The following CPVL variants were observed in gnomAD, a reference collection of about 807,000 sequenced individuals.
CPVL encodes the protein probable serine carboxypeptidase CPVL.
Under a neutral mutation model 63.7 loss-of-function variants are expected in CPVL, and 51 were observed. The ratio of observed to expected loss-of-function variants is 0.80; its 90% CI spans 0.64 to 1.01. The LOEUF is 1.01. Ranked by LOEUF, CPVL falls within the 50% of genes least tolerant of loss-of-function variation. The pLI is 0.00. For synonymous variants in CPVL, 195 were observed against 206.0 expected (o/e 0.95, Z 0.46); for missense variants, 530 against 573.1 (o/e 0.92, Z 0.77).
chr7:29,033,349 G>A (rs1788219320), intron 11 of CPVL, among the ~76,000 whole-genome samples: 1 of 152,176 alleles, frequency 6.6e-6, no homozygotes, highest in Non-Finnish European at 1.5e-5. Context: ...AGAAGCAGGT[G>A]GGCACGGCAT....
upstream of CPVL, among the ~76,000 whole-genome samples, chr7:29,149,041 G>T (rs992283837): frequency 6.6e-6 from 1 of 152,172 alleles, no homozygotes; most frequent in Non-Finnish European, 1.5e-5. Flanking sequence ...CAGATGGACT[G>T]TGCGACACCA....
At chr7:29,134,653 A>T (rs1791013104) in intron 1 of CPVL, among the ~76,000 whole-genome samples, 1 of 152,216 alleles carries the variant, frequency 6.6e-6, no homozygotes, top group Non-Finnish European at 1.5e-5. Flanking sequence ...AATTTGATAA[A>T]AGGACAGTGC....
intron 9 of CPVL, among the ~76,000 whole-genome samples, chr7:29,070,322 C>T (rs1783615797): frequency 6.6e-6 from 1 of 152,186 alleles, no homozygotes; most frequent in Non-Finnish European, 1.5e-5. Flanking sequence ...ATGTACCAGT[C>T]ATCTTTCTGC....
At chr7:29,143,945 A>C (rs975278206) in intron 1 of CPVL, among the ~76,000 whole-genome samples, 2 of 152,228 alleles carry the variant, frequency 1.3e-5, no homozygotes, top group African/African-American at 4.8e-5. Context: ...CAGTTCAGAT[A>C]CGCTGTAACA....
chr7:29,146,794 A>T, upstream of CPVL: 1 of 1,549,186 alleles, frequency 6.5e-7, no homozygotes, highest in Non-Finnish European at 8.7e-7. Context: ...CAGTTTTTAA[A>T]AGCTGCTATC....
At position 29,071,755 on chromosome 7, in the gene CPVL, A is replaced by G. The variant is rs745827507; in HGVS notation, c.864+18T>C. 7 of 1,330,698 alleles carry G rather than the reference A, an allele frequency of 5.3e-6. No homozygotes were observed. The Admixed American group carries it at 8.0e-5, about 15-fold the overall frequency. 82.4% of individuals were successfully genotyped at this position (1,330,698 alleles called of 1,614,324 possible). On this transcript the variant is annotated intron_variant, in intron 9 of 12. Transcript: ENST00000265394. ...GGTTTTAATTGCTCAAGGGCAGCAC[A>G]GGGCCCCCAGAACTCACTTCAAAGG...
intron 12 of CPVL, among the ~76,000 whole-genome samples, chr7:29,018,260 G>GA (rs1199697480): frequency 2.7e-5 from 4 of 149,322 alleles, no homozygotes; most frequent in Non-Finnish European, 5.9e-5. Context: ...AAATAACGAT[G>GA]AAAAAAACAG....
intron 9 of CPVL, among the ~76,000 whole-genome samples, chr7:29,070,961 G>A (rs1783673277): frequency 6.6e-6 from 1 of 152,082 alleles, no homozygotes; most frequent in South Asian, 2.1e-4. Flanking sequence ...CAGAATATGT[G>A]TCTAATAACA....
intron 12 of CPVL, among the ~76,000 whole-genome samples, chr7:29,018,675 G>A (rs559553487): frequency 3.7e-4 from 56 of 152,118 alleles, no homozygotes; most frequent in Middle Eastern, 3.4e-3. Context: ...AACCCTGCCC[G>A]GCCAAAGTTT....
At chr7:29,008,925 G>T (rs573216558) in intron 12 of CPVL, 1 of 152,060 alleles carries the variant, frequency 6.6e-6, no homozygotes, top group East Asian at 1.9e-4. Flanking sequence ...GATTGCTGGC[G>T]AGCCCAAGGC....
rs1785214227 is a variant in CPVL, at chr7:29,086,472, A to G, written c.609+12T>C. ...TGTTTGAAGCACACAAGGAAACGTG[A>G]CTTCTACTTACCTCCCCAGTGACAT... On this transcript the variant is annotated intron_variant, in intron 7 of 12. Transcript: ENST00000265394. 1 of 1,595,768 alleles carries G rather than the reference A, an allele frequency of 6.3e-7. No individual in the cohort carries two copies. The highest frequency in any genetic ancestry group is 8.6e-7 in the Non-Finnish European group (1 of 1,163,566).
chr7:29,122,822 A>G (rs1303439759), intron 1 of CPVL, among the ~76,000 whole-genome samples: 2 of 152,180 alleles, frequency 1.3e-5, no homozygotes, highest in African/African-American at 4.8e-5. Flanking sequence ...TAACTATTAC[A>G]TTAACATATT....
At position 29,120,818 on chromosome 7, in the gene CPVL, C is replaced by CAA. The variant is rs375039373; in HGVS notation, c.169+73_169+74dup. On this transcript the variant is annotated intron_variant, in intron 2 of 12. Transcript: ENST00000265394. ...CCTAGTGACAGGCGAGACTTCGTCT[C>CAA]AAAAAAAAAAAAAAAAAAAAGAGAA... 7,549 of 980,818 alleles carry CAA rather than the reference C, an allele frequency of 7.7e-3. 1 individual carries two copies. The highest frequency in any genetic ancestry group is 0.011 in the East Asian group (337 of 30,336). The allele number at this position is 980,818 out of a possible 1,614,324, so 60.8% of individuals were successfully genotyped here.
intron 1 of CPVL, chr7:29,194,726 A>C: frequency 2.3e-6 from 1 of 430,424 alleles, no homozygotes; most frequent in Non-Finnish European, 4.0e-6. Flanking sequence ...AAAGGCGCGG[A>C]GCGGGACGGA....
intron 5 of CPVL, among the ~76,000 whole-genome samples, chr7:29,093,477 C>A (rs1786069306): frequency 6.6e-6 from 1 of 152,010 alleles, no homozygotes. Context: ...CCTCCTCCCC[C>A]TTCTTGTCTT....
At chr7:29,076,655 C>G (rs1213193718) in intron 7 of CPVL, among the ~76,000 whole-genome samples, 1 of 152,150 alleles carries the variant, frequency 6.6e-6, no homozygotes, top group Admixed American at 6.5e-5. Context: ...ACTGCTCTTA[C>G]TTGGTTAATT....
At chr7:29,029,254 A>G (rs1787788223) in intron 12 of CPVL, among the ~76,000 whole-genome samples, 2 of 152,232 alleles carry the variant, frequency 1.3e-5, no homozygotes, top group Non-Finnish European at 2.9e-5. Context: ...GGTTTCTAAA[A>G]AAAACTACAA....
intron 6 of CPVL, among the ~76,000 whole-genome samples, chr7:29,086,828 GAGCA>G (rs1423485232): frequency 1.3e-5 from 2 of 152,152 alleles, no homozygotes; most frequent in Non-Finnish European, 2.9e-5. Flanking sequence ...AGGGCACCTT[GAGCA>G]AATAATACAG....
At chr7:29,093,476 C>T (rs915735438) in intron 5 of CPVL, among the ~76,000 whole-genome samples, 2 of 152,006 alleles carry the variant, frequency 1.3e-5, no homozygotes, top group Admixed American at 6.6e-5. Context: ...TCCTCCTCCC[C>T]CTTCTTGTCT....
Sources: allele counts gnomAD v4.1 joint callset (sites outside exome capture counted in the v4.1 genomes callset), GRCh38; gene constraint gnomAD v4.1.1; transcripts MANE v1.5; gene names NCBI Gene and HGNC (gene_info 2026-07-23, HGNC 2026-07-21).